STX7: variants seen among roughly 807,000 people sequenced by gnomAD.
STX7 encodes the protein syntaxin-7.
STX7 carries 34 observed loss-of-function variants against 39.6 expected under a neutral mutation model. The ratio of observed to expected loss-of-function variants is 0.86; its 90% confidence interval spans 0.65 to 1.14. STX7 has a LOEUF of 1.14. STX7 is among the 50% of genes most tolerant of loss of function. The pLI, the probability that STX7 is intolerant of heterozygous loss-of-function variation, is 0.00. For synonymous variants in STX7, 119 were observed against 99.1 expected (o/e 1.20, Z -1.19); for missense variants, 284 against 310.4 (o/e 0.92, Z 0.64).
intron 9 of STX7, among the ~76,000 whole-genome samples, chr6:132,462,292 C>T (rs1774426908): frequency 6.6e-6 from 1 of 152,210 alleles, no homozygotes; most frequent in East Asian, 1.9e-4. Context: ...TGGAAAGCTG[C>T]CTCTTTTCTC....
At position 132,504,364 on chromosome 6, in the gene STX7, T is replaced by C. The variant is rs561459177; in HGVS notation, c.-58-776A>G. Among the ~76,000 whole-genome samples the C allele has an allele frequency of 1.3e-3, 201 of 152,238 alleles. 1 individual carries two copies. Among genetic ancestry groups the C allele is most frequent in the African/African-American group, 4.7e-3 (195 of 41,522 alleles). On this transcript the variant is annotated intron_variant, in intron 1 of 9. Coordinates refer to ENST00000367941, the MANE Select transcript of STX7 (RefSeq NM_003569.3). The stretch of plus-strand genomic sequence containing the variant: ...CCTTTCAGCAGCCAGCATCTCAGAA[T>C]AGAAGAGACACTGAGATACTGCCAC...
intron 8 of STX7, among the ~76,000 whole-genome samples, chr6:132,467,088 A>T (rs1177860395): frequency 6.6e-6 from 1 of 152,168 alleles, no homozygotes; most frequent in Non-Finnish European, 1.5e-5. Context: ...TCCAGCAGCC[A>T]AGTGAGTCTT....
chr6:132,473,599 G>A (rs192097080), intron 3 of STX7, among the ~76,000 whole-genome samples: 2 of 142,664 alleles, frequency 1.4e-5, no homozygotes, highest in Admixed American at 1.5e-4. Flanking sequence ...ACAGAGTGCT[G>A]ACTACATATC....
At chr6:132,470,116 T>C (rs1774676803) in intron 6 of STX7, 69 bp from the exon 7 acceptor site, 1 of 1,157,978 alleles carries the variant, frequency 8.6e-7, no homozygotes, top group Non-Finnish European at 1.2e-6. Flanking sequence ...TCATTTCCTA[T>C]TTAAGATATA....
chr6:132,501,501 T>G (rs553843109), intron 2 of STX7, among the ~76,000 whole-genome samples: 1 of 152,178 alleles, frequency 6.6e-6, no homozygotes, highest in African/African-American at 2.4e-5. Context: ...ATCTGTCACT[T>G]CTCATCCTCT....
At chr6:132,463,043 A>G (rs919988652) in intron 9 of STX7, among the ~76,000 whole-genome samples, 2 of 152,098 alleles carry the variant, frequency 1.3e-5, no homozygotes, top group East Asian at 3.9e-4. Flanking sequence ...GCAACACAGC[A>G]AAACTCTATC....
At chr6:132,485,088 A>T (rs1455888588) in intron 2 of STX7, among the ~76,000 whole-genome samples, 2 of 152,234 alleles carry the variant, frequency 1.3e-5, no homozygotes, top group African/African-American at 2.4e-5. Context: ...ATATGTGTAC[A>T]TCTGTAAAAC....
intron 2 of STX7, among the ~76,000 whole-genome samples, chr6:132,493,383 C>G (rs1214589742): frequency 1.3e-5 from 2 of 152,128 alleles, no homozygotes; most frequent in Non-Finnish European, 2.9e-5. Context: ...TGAATTGTAG[C>G]TCCCACAACT....
intron 8 of STX7, among the ~76,000 whole-genome samples, chr6:132,465,523 T>C (rs1193034938): frequency 5.9e-5 from 9 of 152,160 alleles, no homozygotes; most frequent in Non-Finnish European, 1.0e-4. Flanking sequence ...TGCAGCTGAT[T>C]ATGGATGTAA....
intron 2 of STX7, among the ~76,000 whole-genome samples, chr6:132,494,142 T>C (rs1382856652): frequency 6.6e-6 from 1 of 152,104 alleles, no homozygotes; most frequent in Non-Finnish European, 1.5e-5. Context: ...TTTAAACATA[T>C]ACACTTAGGA....
At chr6:132,479,036 A>C (rs773070308) in intron 2 of STX7, among the ~76,000 whole-genome samples, 16 of 152,232 alleles carry the variant, frequency 1.1e-4, no homozygotes, top group Admixed American at 1.0e-3. Flanking sequence ...CCTGCAAAGC[A>C]TAAGTAAGCC....
chr6:132,472,846 T>C (rs189709726), intron 3 of STX7, among the ~76,000 whole-genome samples: 1 of 148,462 alleles, frequency 6.7e-6, no homozygotes, highest in Admixed American at 6.9e-5. Context: ...GTATATGCTA[T>C]AGATACTTAA....
At chr6:132,472,414 T>C (rs746430117) in intron 3 of STX7, 39 bp from the exon 4 acceptor site, 2 of 1,474,340 alleles carry the variant, frequency 1.4e-6, no homozygotes, top group South Asian at 1.2e-5. Flanking sequence ...AAAGGACTAA[T>C]ATACTTCTTT....
chr6:132,455,467 A>C lies in STX7; in HGVS notation c.*5291T>G, dbSNP rs758575166. 6.6e-6 allele frequency: 1 copy of C among 152,208 alleles called. No homozygotes were observed. Among genetic ancestry groups the C allele is most frequent in the Non-Finnish European group, 1.5e-5 (1 of 68,032 alleles). 9.4% of individuals were successfully genotyped at this position (152,208 alleles called of 1,614,324 possible). ...CAAAGTGGGAATTAATGCCCTTTCA[A>C]GTTTATTTAAAGATTCAATTCAGTT... On this transcript the variant is annotated 3_prime_UTR_variant, in exon 10 of 10. Coordinates refer to ENST00000367941, the MANE Select transcript of STX7 (RefSeq NM_003569.3).
chr6:132,505,798 A>T (rs150933975), intron 1 of STX7, among the ~76,000 whole-genome samples: 1 of 151,862 alleles, frequency 6.6e-6, no homozygotes, highest in East Asian at 1.9e-4. Flanking sequence ...AATTTTAAGA[A>T]AAAGAACAAA....
In STX7 at chr6:132,454,994, C is replaced by T. The variant is rs1582638661; in HGVS notation, c.*5764G>A. ...GGCCTGAGGCACATTGAAAATGCCT[C>T]GAAATGAACTCAAAACGACCACAGT... On this transcript the variant is annotated 3_prime_UTR_variant, in exon 10 of 10. Coordinates refer to ENST00000367941, the MANE Select transcript of STX7 (RefSeq NM_003569.3). 6.6e-6 allele frequency: 1 copy of T among 151,976 alleles called. No individual in the cohort carries two copies. Among genetic ancestry groups the T allele is most frequent in the African/African-American group, 2.4e-5 (1 of 41,394 alleles). The allele number at this position is 151,976 out of a possible 1,614,324, so 9.4% of individuals were successfully genotyped here.
chr6:132,481,213 G>A (rs1226288803), intron 2 of STX7, among the ~76,000 whole-genome samples: 1 of 152,066 alleles, frequency 6.6e-6, no homozygotes, highest in Non-Finnish European at 1.5e-5. Context: ...AAACAAAAGG[G>A]ATAAATTATA....
Position 132,470,604 on chromosome 6 carries a change from G to T in STX7, c.410C>A (p.Ser137Ter). 6.2e-7 allele frequency: 1 copy of T among 1,607,740 alleles called. No homozygotes were observed. Among genetic ancestry groups the T allele is most frequent in the Non-Finnish European group, 8.5e-7 (1 of 1,176,240 alleles). The stretch of plus-strand genomic sequence containing the variant: ...CCAGGATACAAGATTCCTTTCTTTT[G>T]AGCTGTCCTCAGGAAAACTGCCCTG... The part of the protein sequence containing the change: ...RVSGSFPEDS[S>*]KERNLVSWES... Residue 137 changes from serine to a stop codon, truncating the protein, a stop_gained, in exon 6 of 10, where the codon TCA becomes TAA. Coordinates refer to ENST00000367941, the MANE Select transcript of STX7 (RefSeq NM_003569.3). LOFTEE classifies it high-confidence loss of function.
chr6:132,465,383 G>C (rs1774538756), intron 8 of STX7, among the ~76,000 whole-genome samples: 1 of 151,960 alleles, frequency 6.6e-6, no homozygotes, highest in Admixed American at 6.6e-5. Flanking sequence ...CTCACATATG[G>C]CATGTCCTCA....
Sources: gnomAD v4.1 joint callset for allele counts (sites outside exome capture counted in the v4.1 genomes callset) on GRCh38, gnomAD v4.1.1 for gene constraint, MANE v1.5 for transcripts, NCBI Gene and HGNC (gene_info 2026-07-23, HGNC 2026-07-21) for gene names.